Variants in TCF12 observed in about 807,000 individuals in gnomAD.
TCF12 encodes DNA-binding protein HTF4.
Under a neutral mutation model 86.0 loss-of-function variants are expected in TCF12, and 45 were observed. That is an observed-to-expected ratio of 0.52 (90% CI 0.41 to 0.67). TCF12 has a LOEUF of 0.67. TCF12 is among the 30% of genes least tolerant of loss of function. The pLI is 0.00. For synonymous variants in TCF12, 330 were observed against 299.6 expected, an observed-to-expected ratio of 1.10 and a Z score of -1.05; for missense variants, 881 against 859.9, an observed-to-expected ratio of 1.02 and a Z score of -0.31.
intron 6 of TCF12, among the ~76,000 whole-genome samples, chr15:57,189,459 C>T (rs1246219302): frequency 6.6e-6 from 1 of 152,126 alleles, no homozygotes; most frequent in Non-Finnish European, 1.5e-5. Context: ...AGGAGATATT[C>T]TAGTGTACAT....
chr15:57,289,212 A>T lies in TCF12; in HGVS notation c.*3067A>T, dbSNP rs975814019. 1 of 152,194 alleles carries T rather than the reference A, an allele frequency of 6.6e-6. No individual in the cohort carries two copies. Among genetic ancestry groups the T allele is most frequent in the Non-Finnish European group, 1.5e-5 (1 of 68,046 alleles). 9.4% of individuals were successfully genotyped at this position (152,194 alleles called of 1,614,324 possible). On this transcript the variant is annotated 3_prime_UTR_variant, in exon 21 of 21. Transcript: ENST00000333725. ...GTTCACATTGGGTGCCTAACAGAAC[A>T]TTTTGCTTCTTGTGGGATTTAGTGA... is the stretch of plus-strand genomic sequence containing the variant.
rs2615234 is a variant in TCF12 at position 57,116,962 on chromosome 15, G to T, written c.325+25071G>T. Reference sequence around the variant, plus strand: ...TTGATTTGAATACTAAAGGTTTCCAGATTTCATCATTATTTGGCATCAGTG... The same window carrying T: ...TTGATTTGAATACTAAAGGTTTCCATATTTCATCATTATTTGGCATCAGTG... On this transcript the variant is annotated intron_variant, in intron 5 of 20. Transcript: ENST00000333725. Among the ~76,000 whole-genome samples the T allele has an allele frequency of 8.4e-3, 1,278 of 152,030 alleles. 25 individuals carry two copies. Among genetic ancestry groups the T allele is most frequent in the African/African-American group, 0.029 (1,211 of 41,440 alleles).
At chr15:57,088,662 T>G (rs554821860) in intron 4 of TCF12, among the ~76,000 whole-genome samples, 16 of 152,270 alleles carry the variant, frequency 1.1e-4, no homozygotes, top group African/African-American at 3.9e-4. Context: ...GTTGTGTAAG[T>G]TCTTGCTACT....
chr15:57,028,046 C>T (rs886502779), intron 3 of TCF12, among the ~76,000 whole-genome samples: 1 of 152,012 alleles, frequency 6.6e-6, no homozygotes, highest in African/African-American at 2.4e-5. Flanking sequence ...TCACTGCAAC[C>T]TCTGTCTCCT....
intron 18 of TCF12, among the ~76,000 whole-genome samples, chr15:57,264,088 A>G (rs1384680709): frequency 6.6e-6 from 1 of 151,936 alleles, no homozygotes; most frequent in Non-Finnish European, 1.5e-5. Flanking sequence ...CATTTACTTT[A>G]TAAACTTAAA....
chr15:56,992,213 G>T (rs1214046029), intron 3 of TCF12, among the ~76,000 whole-genome samples: 2 of 152,166 alleles, frequency 1.3e-5, no homozygotes, highest in Non-Finnish European at 2.9e-5. Context: ...TGAGGCTGCA[G>T]TAAGCTGTGA....
intron 6 of TCF12, among the ~76,000 whole-genome samples, chr15:57,183,584 A>C (rs144724306): frequency 6.6e-6 from 1 of 152,260 alleles, no homozygotes; most frequent in Non-Finnish European, 1.5e-5. Flanking sequence ...TAGATCACTT[A>C]CTTAAGACAA....
chr15:57,239,266 G>A (rs1371183419), intron 12 of TCF12, among the ~76,000 whole-genome samples: 1 of 152,002 alleles, frequency 6.6e-6, no homozygotes, highest in Non-Finnish European at 1.5e-5. Context: ...CAGGAGAATC[G>A]CTTGAACCCA....
At chr15:57,141,848 G>A (rs2052990041) in intron 5 of TCF12, among the ~76,000 whole-genome samples, 1 of 152,166 alleles carries the variant, frequency 6.6e-6, no homozygotes, top group Non-Finnish European at 1.5e-5. Context: ...GCTGTAGGTA[G>A]GTAGGAACAG....
chr15:57,166,490 C>G, intron 6 of TCF12, 24 bp downstream of exon 6: 1 of 1,599,514 alleles, frequency 6.3e-7, no homozygotes, highest in Non-Finnish European at 8.5e-7. Context: ...TTAAAAAAAG[C>G]AATGAGATGG....
chr15:56,996,388 G>A (rs1348675764), intron 3 of TCF12, among the ~76,000 whole-genome samples: 3 of 152,172 alleles, frequency 2.0e-5, no homozygotes, highest in African/African-American at 7.2e-5. Context: ...AAACTAAGCA[G>A]TGGGGAAAAG....
chr15:57,046,513 G>T (rs184052398), intron 3 of TCF12, among the ~76,000 whole-genome samples: 1 of 152,080 alleles, frequency 6.6e-6, no homozygotes, highest in African/African-American at 2.4e-5. Context: ...TATGATCTCC[G>T]CTCACTGCAA....
At chr15:57,135,809 T>G (rs1371912865) in intron 5 of TCF12, among the ~76,000 whole-genome samples, 2 of 152,136 alleles carry the variant, frequency 1.3e-5, no homozygotes, top group Non-Finnish European at 2.9e-5. Context: ...ATAAGAAAAC[T>G]AAAAGCCACT....
intron 6 of TCF12, among the ~76,000 whole-genome samples, chr15:57,183,242 A>T (rs1240385543): frequency 1.3e-5 from 2 of 152,170 alleles, no homozygotes; most frequent in African/African-American, 4.8e-5. Flanking sequence ...ATTTCACCAC[A>T]TTTGTATATA....
At chr15:57,175,326 C>A (rs2055831815) in intron 6 of TCF12, among the ~76,000 whole-genome samples, 1 of 152,122 alleles carries the variant, frequency 6.6e-6, no homozygotes. Flanking sequence ...CTGCTTCACT[C>A]CAGCCTGGGT....
chr15:57,253,343 A>G lies in TCF12; in HGVS notation c.1342A>G (p.Ser448Gly). 2 of 1,614,086 alleles carry G rather than the reference A, an allele frequency of 1.2e-6. No homozygotes were observed. Among genetic ancestry groups the G allele is most frequent in the Non-Finnish European group, 1.7e-6 (2 of 1,179,986 alleles). ...LRNHAVGPSTSLPAGHSDIHS... is the reference protein window; with the variant it reads ...LRNHAVGPSTGLPAGHSDIHS... ...GAACCATGCTGTGGGACCTTCCACC[A>G]GTTTGCCTGCTGGTCACAGTGATAT... Residue 448 changes from serine to glycine, a missense_variant, in exon 16 of 21, where the codon AGT becomes GGT. By Grantham distance (56) the Ser-to-Gly change is moderately conservative. Around this residue, in one of 3 missense-constraint regions of TCF12, gnomAD observed 766 missense variants for 718.9 expected, o/e 1.07. Transcript: ENST00000333725.
chr15:57,043,571 G>A (rs567328489), intron 3 of TCF12, among the ~76,000 whole-genome samples: 7 of 152,016 alleles, frequency 4.6e-5, no homozygotes, highest in Non-Finnish European at 1.0e-4. Context: ...ACATTTTTAT[G>A]TACCTATAAA....
At chr15:57,020,962 G>A (rs1038511268) in intron 3 of TCF12, among the ~76,000 whole-genome samples, 1 of 152,134 alleles carries the variant, frequency 6.6e-6, no homozygotes, top group Non-Finnish European at 1.5e-5. Context: ...GATAGATGAA[G>A]AGGGTGAGAC....
chr15:57,248,933 T>C (rs1370751516), intron 13 of TCF12, among the ~76,000 whole-genome samples: 1 of 152,206 alleles, frequency 6.6e-6, no homozygotes, highest in Non-Finnish European at 1.5e-5. Flanking sequence ...ATGCTGACAA[T>C]TCTGAGGCAT....
Sources: allele counts gnomAD v4.1 joint callset (sites outside exome capture counted in the v4.1 genomes callset), GRCh38; gene constraint gnomAD v4.1.1; regional missense constraint gnomAD v4.1.1; transcripts MANE v1.5; gene names NCBI Gene and HGNC (gene_info 2026-07-23, HGNC 2026-07-21).